Variants in FLII observed in about 807,000 individuals in gnomAD.
FLII encodes the protein FLII actin remodeling protein.
In FLII, 101 loss-of-function variants were observed where a neutral mutation model predicts 156.2. That is an observed-to-expected ratio of 0.65 (90% confidence interval 0.55 to 0.76). The LOEUF is 0.76. Among genes scored for constraint, FLII ranks in the 30% least tolerant of loss-of-function variants. The probability of loss-of-function intolerance (pLI) is 0.00; values close to 1 mark genes in which losing one functional copy is unlikely to be tolerated. For synonymous variants in FLII, 767 were observed against 685.8 expected (o/e 1.12, Z -1.85); for missense variants, 1,675 against 1,682.8 (o/e 1.00, Z 0.08).
rs1240512805 is a variant in FLII at position 18,255,283 on chromosome 17, G to A, written c.247-20C>T. ...GATGGCCTGGGAATAAACCATAAGA[G>A]TCTATAATTCCTGGCTTCCACTCTC... On this transcript the variant is annotated intron_variant, in intron 3 of 29. Transcript: ENST00000327031. The A allele has an allele frequency of 2.9e-5, 47 of 1,600,280 alleles. No homozygotes were observed. Among genetic ancestry groups the A allele is most frequent in the Non-Finnish European group, 4.0e-5 (47 of 1,168,438 alleles).
chr17:18,245,069 C>G lies in FLII; in HGVS notation c.*69G>C, dbSNP rs1351042865. ...GCAGGTGGTGTCACCTGAGTACATT[C>G]TTTGCTAGCAGACAGTGGATGAGGC... On this transcript the variant is annotated 3_prime_UTR_variant, in exon 30 of 30. Coordinates refer to ENST00000327031, the MANE Select transcript of FLII (RefSeq NM_002018.4). The G allele has an allele frequency of 1.6e-5, 25 of 1,537,824 alleles. No individual in the cohort carries two copies. Among genetic ancestry groups the G allele is most frequent in the Non-Finnish European group, 2.2e-5 (25 of 1,132,574 alleles).
intron 1 of FLII, among the ~76,000 whole-genome samples, chr17:18,257,925 C>T (rs936238428): frequency 2.6e-5 from 4 of 152,206 alleles, no homozygotes; most frequent in African/African-American, 9.7e-5. Flanking sequence ...ATGCCTGTCT[C>T]ATTCTTGAGT....
At position 18,246,371 on chromosome 17, in the gene FLII, A is replaced by G. The variant is rs555225002; in HGVS notation, c.3143T>C (p.Val1048Ala). 1.9e-6 allele frequency: 3 copies of G among 1,613,854 alleles called. No homozygotes were observed. The highest frequency in any genetic ancestry group is 2.7e-5 in the African/African-American group (2 of 74,998). ...GAGGCTGGGCTGTTGGGCGCCCTGG[A>G]CCGCCTTCCTCTTGCCCCGGTGGAT... ...FIIHRGKRKA[V>A]QGAQQPSLYQ... Residue 1048 changes from valine (V) to alanine (A), a missense_variant, in exon 24 of 30, where the codon GTC (valine) becomes GCC (alanine). Transcript: ENST00000327031.
At chr17:18,258,818 G>T, upstream of FLII, 1 of 505,256 alleles carries the variant, frequency 2.0e-6, no homozygotes, top group East Asian at 4.8e-5. This position sits in a 1 kb window ranked among gnomAD's most constrained non-coding sequence, Gnocchi z 4.2. Flanking sequence ...GCATTCCGCG[G>T]GGAAGTGTAG....
In FLII at chr17:18,248,571, C is replaced by T. The variant is rs745542548; in HGVS notation, c.2169G>A (p.Pro723=). The T allele has an allele frequency of 9.3e-6, 15 of 1,610,742 alleles. No individual in the cohort carries two copies. Among genetic ancestry groups the T allele is most frequent in the Middle Eastern group, 1.6e-4 (1 of 6,082 alleles). The change falls in exon 18 of 30, where the codon CCG becomes CCA. Residue 723 remains proline, a synonymous_variant. Coordinates refer to ENST00000327031, the MANE Select transcript of FLII (RefSeq NM_002018.4). ...TCACCTTGTACAGCTTGGGCTGCGG[C>T]GGCCAGAAGTCTTCAGGCACGTGCT... The part of the protein sequence containing the change: ...IKKHVPEDFW[P]PQPKLYKVGL...
At position 18,250,857 on chromosome 17, in the gene FLII, T is replaced by A. The variant is rs1444284871; in HGVS notation, c.1757A>T (p.Glu586Val). 6.2e-7 allele frequency: 1 copy of A among 1,613,488 alleles called. No individual in the cohort carries two copies. The highest frequency in any genetic ancestry group is 2.2e-5 in the East Asian group (1 of 44,866). Residue 586 changes from glutamate to valine, a missense_variant, in exon 14 of 30, where the codon GAG becomes GTG. Coordinates refer to ENST00000327031, the MANE Select transcript of FLII (RefSeq NM_002018.4). ...TGGCACCTGCAGGAACTCCTCGCTC[T>A]CATCGCCCATCTCCTCCCGGACAGT... ...CRTVREEMGD[E>V]SEEFLQVFDN...
intron 25 of FLII, 29 bp from the exon 26 acceptor site, chr17:18,246,091 C>T (rs780754417): frequency 1.7e-5 from 27 of 1,613,952 alleles, no homozygotes; most frequent in South Asian, 4.4e-5. Flanking sequence ...TGGGGGTGTT[C>T]GCAGCTGACT....
intron 16 of FLII, 107 bp downstream of exon 16, chr17:18,249,020 G>T: frequency 2.2e-6 from 3 of 1,366,826 alleles, no homozygotes; most frequent in East Asian, 2.3e-5. Context: ...AAGCTCGTGG[G>T]CAGGAATTGC....
rs757382701 is a variant in FLII at position 18,245,279 on chromosome 17, AG to A, written c.3676-8del. On this transcript the variant is annotated splice_polypyrimidine_tract_variant and splice_region_variant and intron_variant, in intron 29 of 29. Coordinates refer to ENST00000327031, the MANE Select transcript of FLII (RefSeq NM_002018.4). ...GCATGTGCTGGATATATACCTGGCA[AG>A]GGGACAGCGAGCCTTGGGTGATGAC... 6 of 1,612,548 alleles carry A rather than the reference AG, an allele frequency of 3.7e-6. No individual in the cohort carries two copies. The highest frequency in any genetic ancestry group is 5.1e-6 in the Non-Finnish European group (6 of 1,178,706).
At position 18,251,360 on chromosome 17, in the gene FLII, G is replaced by T; in HGVS notation, c.1501C>A (p.Leu501Met). Reference protein sequence around the residue: ...FTEDVGQLPGLTIWQIENFVP... With the variant: ...FTEDVGQLPGMTIWQIENFVP... The stretch of plus-strand genomic sequence containing the variant: ...AAGTTCTCTATCTGCCAGATGGTCA[G>T]TCCGGGCAGCTGGCCCACGTCCTCC... Residue 501 changes from leucine to methionine, a missense_variant, in exon 13 of 30, where the codon CTG becomes ATG. This residue lies in a region of FLII where 1,332 missense variants were observed against 1,269.3 expected (regional missense o/e 1.05). Coordinates refer to ENST00000327031, the MANE Select transcript of FLII (RefSeq NM_002018.4). The T allele has an allele frequency of 6.2e-7, 1 of 1,613,838 alleles. No homozygotes were observed. The highest frequency in any genetic ancestry group is 8.5e-7 in the Non-Finnish European group (1 of 1,180,036).
rs761013563 is a variant in FLII, at chr17:18,245,132, C to CCTGT, written c.*2_*5dup. 6 of 1,608,020 alleles carry CCTGT rather than the reference C, an allele frequency of 3.7e-6. No homozygotes were observed. The highest frequency in any genetic ancestry group is 2.2e-5 in the East Asian group (1 of 44,720). On this transcript the variant is annotated 3_prime_UTR_variant, in exon 30 of 30. Coordinates refer to ENST00000327031, the MANE Select transcript of FLII (RefSeq NM_002018.4). ...CTCACCAAGCCTGGGGCTGTGCCAG[C>CCTGT]CTGTCTTAGGCCAGGGCCTTGCAGA...
At chr17:18,255,134 T>C (rs372547143) in intron 4 of FLII, 49 bp downstream of exon 4, 118 of 1,419,972 alleles carry the variant, frequency 8.3e-5, no homozygotes, top group East Asian at 2.3e-5. Flanking sequence ...TGAGTGGGGA[T>C]TGAATGGTCC....
chr17:18,255,309 A>G (rs1418901812), intron 3 of FLII, 46 bp from the exon 4 acceptor site: 1 of 1,501,688 alleles, frequency 6.7e-7, no homozygotes, highest in Non-Finnish European at 9.2e-7. Flanking sequence ...TTCCACTCTC[A>G]GGAAGGAACA....
intron 1 of FLII, among the ~76,000 whole-genome samples, chr17:18,257,440 G>A (rs2048456709): frequency 6.6e-6 from 1 of 152,206 alleles, no homozygotes; most frequent in Non-Finnish European, 1.5e-5. Flanking sequence ...TCAGCACACT[G>A]GCAACTCACG....
chr17:18,249,089 A>T, intron 16 of FLII, 38 bp downstream of exon 16: 1 of 1,577,996 alleles, frequency 6.3e-7, no homozygotes, highest in Non-Finnish European at 8.7e-7. Context: ...GAGGAGGCTG[A>T]GGATGAAGCA....
At position 18,249,558 on chromosome 17, in the gene FLII, G is replaced by A. The variant is rs148630607; in HGVS notation, c.1777-150C>T. ...TAATCCCAGCACTTCAGGAGTCTGA[G>A]GTGGGTGGATCACCTGAGGTCAGGA... On this transcript the variant is annotated intron_variant, in intron 14 of 29. Transcript: ENST00000327031. 6.9e-5 allele frequency: 46 copies of A among 661,962 alleles called. No individual in the cohort carries two copies. The African/African-American group carries it at 7.4e-4, about 11-fold the overall frequency. The allele number at this position is 661,962 out of a possible 1,614,324, so 41.0% of individuals were successfully genotyped here. A position where few individuals can be genotyped will look rare whatever the true frequency, so the allele number is the denominator to read the frequency against.
Position 18,252,083 on chromosome 17 carries a change from C to G in FLII, c.1162G>C (p.Glu388Gln). Residue 388 changes from glutamate (E) to glutamine (Q), a missense_variant, in exon 11 of 30, where the codon GAG becomes CAG. Physicochemically the swap from Glu to Gln is conservative, Grantham distance 29. This residue lies in a region of FLII where 1,332 missense variants were observed against 1,269.3 expected (regional missense o/e 1.05). Coordinates refer to ENST00000327031, the MANE Select transcript of FLII (RefSeq NM_002018.4). ...MPPKPADRAA[E>Q]WYNIDFSLQN... ...AGCGAGAAGTCGATGTTGTACCACT[C>G]AGCGGCACGGTCTGCGGGCTTGGGC... is the stretch of plus-strand genomic sequence containing the variant. The G allele has an allele frequency of 6.2e-7, 1 of 1,613,464 alleles. No individual in the cohort carries two copies. The highest frequency in any genetic ancestry group is 8.5e-7 in the Non-Finnish European group (1 of 1,180,046).
rs1272946316 is a variant in FLII, at chr17:18,246,412, G to A, written c.3102C>T (p.Phe1034=). 2 of 1,613,954 alleles carry A rather than the reference G, an allele frequency of 1.2e-6. No individual in the cohort carries two copies. Among genetic ancestry groups the A allele is most frequent in the Non-Finnish European group, 1.7e-6 (2 of 1,180,014 alleles). The change falls in exon 24 of 30, where the codon TTC becomes TTT. Residue 1034 remains phenylalanine, a synonymous_variant. Transcript: ENST00000327031. The part of the protein sequence containing the change: ...QQENPKFLSH[F]KRKFIIHRGK... ...CCCGGTGGATGATGAACTTCCTCTT[G>A]AAATGGGACAGGAACTTGGGGTTCT...
rs781583252 is a variant in FLII at position 18,258,598 on chromosome 17, G to T, written c.63+30C>A. The T allele has an allele frequency of 9.1e-6, 14 of 1,544,498 alleles. No individual in the cohort carries two copies. Among genetic ancestry groups the T allele is most frequent in the Non-Finnish European group, 1.1e-5 (13 of 1,154,386 alleles). ...CCGGGCGGAAGAGAAGGCCTGCAGG[G>T]AGGCCCGGCACGCGCCCGGCCCGGC... is the stretch of plus-strand genomic sequence containing the variant. On this transcript the variant is annotated intron_variant, in intron 1 of 29. Transcript: ENST00000327031. This position sits in a 1 kb window ranked among gnomAD's most constrained non-coding sequence, Gnocchi z 4.2.
Sources: allele counts gnomAD v4.1 joint callset (sites outside exome capture counted in the v4.1 genomes callset), GRCh38; gene constraint gnomAD v4.1.1; regional missense constraint gnomAD v4.1.1; non-coding constraint Gnocchi (gnomAD v3.1); transcripts MANE v1.5; gene names NCBI Gene and HGNC (gene_info 2026-07-23, HGNC 2026-07-21).